The following ROBO1 variants were observed in gnomAD, a reference collection of about 807,000 sequenced individuals.
The protein encoded by ROBO1 is roundabout homolog 1.
ROBO1 carries 149 observed loss-of-function variants against 195.9 expected under a neutral mutation model. That is an observed-to-expected ratio of 0.76 (90% confidence interval 0.67 to 0.87). The LOEUF (loss-of-function observed/expected upper bound fraction) is 0.87, where lower values mean the gene tolerates loss of function less well. ROBO1 is among the 40% of genes least tolerant of loss of function. The probability of loss-of-function intolerance (pLI) is 0.00; values close to 1 mark genes in which losing one functional copy is unlikely to be tolerated. For missense variants in ROBO1, 1,933 were observed against 2,068.3 expected, an observed-to-expected ratio of 0.93 and a Z score of 1.27; for synonymous variants, 816 against 733.2, an observed-to-expected ratio of 1.11 and a Z score of -1.82.
Position 78,598,910 on chromosome 3 carries a change from T to G in ROBO1, c.*3A>C, listed in dbSNP as rs1208828116. On this transcript the variant is annotated 3_prime_UTR_variant, in exon 31 of 31. Transcript: ENST00000464233. ...TTAGATCTCATAAGCCTCTTGGTTG[T>G]CTTCAGCTTTCAGTTTCCTGTAAGA... is the stretch of plus-strand genomic sequence containing the variant. 1 of 1,573,034 alleles carries G rather than the reference T, an allele frequency of 6.4e-7. No homozygotes were observed. The highest frequency in any genetic ancestry group is 2.3e-5 in the East Asian group (1 of 44,426).
intron 2 of ROBO1, among the ~76,000 whole-genome samples, chr3:79,492,285 C>G (rs981050646): frequency 1.3e-5 from 2 of 151,814 alleles, no homozygotes; most frequent in Non-Finnish European, 2.9e-5. Context: ...ATTAGCCAGG[C>G]GTGGTGGCTG....
intron 2 of ROBO1, among the ~76,000 whole-genome samples, chr3:79,352,887 C>T (rs1457283156): frequency 1.3e-5 from 2 of 152,162 alleles, no homozygotes; most frequent in Non-Finnish European, 2.9e-5. Flanking sequence ...TATATATATA[C>T]ACTCATTTAA....
intron 3 of ROBO1, among the ~76,000 whole-genome samples, chr3:79,082,946 C>G (rs1172700057): frequency 6.6e-6 from 1 of 152,176 alleles, no homozygotes; most frequent in African/African-American, 2.4e-5. Flanking sequence ...GATCTGCTAT[C>G]ATGCAGTTGA....
chr3:79,360,722 T>C (rs1306948390), intron 2 of ROBO1, among the ~76,000 whole-genome samples: 1 of 152,048 alleles, frequency 6.6e-6, no homozygotes, highest in Admixed American at 6.6e-5. Context: ...TGAAGCATAA[T>C]GCCATAAGAA....
chr3:79,022,990 T>C (rs534282232), intron 3 of ROBO1, among the ~76,000 whole-genome samples: 404 of 152,318 alleles, frequency 2.7e-3, no homozygotes, highest in African/African-American at 9.3e-3. Context: ...TCCAGGTCTC[T>C]CCAGGGATTG....
chr3:79,016,299 A>G (rs759306548), intron 3 of ROBO1, among the ~76,000 whole-genome samples: 3 of 152,232 alleles, frequency 2.0e-5, no homozygotes, highest in Non-Finnish European at 4.4e-5. Flanking sequence ...AAAAAGCTTC[A>G]GGTTATGTAT....
intron 2 of ROBO1, among the ~76,000 whole-genome samples, chr3:79,242,026 A>G (rs1393044738): frequency 6.6e-6 from 1 of 151,576 alleles, no homozygotes; most frequent in Non-Finnish European, 1.5e-5. Context: ...CTTGGGCATC[A>G]GAATGTGAAA....
intron 1 of ROBO1, among the ~76,000 whole-genome samples, chr3:79,596,502 G>A (rs1397501859): frequency 6.6e-6 from 1 of 151,886 alleles, no homozygotes; most frequent in Non-Finnish European, 1.5e-5. Context: ...GAGGTTACAT[G>A]GAAGGCTTTT....
At chr3:79,465,681 G>T (rs774344703) in intron 2 of ROBO1, among the ~76,000 whole-genome samples, 1 of 151,992 alleles carries the variant, frequency 6.6e-6, no homozygotes, top group Non-Finnish European at 1.5e-5. Context: ...AAAGTAGTTT[G>T]CCCATTGCAA....
chr3:78,610,444 A>T (rs995118152), intron 28 of ROBO1, among the ~76,000 whole-genome samples: 1 of 152,170 alleles, frequency 6.6e-6, no homozygotes, highest in Admixed American at 6.5e-5. Context: ...AGGGGAAAAA[A>T]GTCTAATTCA....
intron 2 of ROBO1, among the ~76,000 whole-genome samples, chr3:79,526,181 G>T (rs183423052): frequency 6.6e-6 from 1 of 152,180 alleles, no homozygotes; most frequent in Admixed American, 6.5e-5. Flanking sequence ...GAATCTTATT[G>T]TTTCCTTAAG....
chr3:79,257,085 G>A (rs1268566725), intron 2 of ROBO1, among the ~76,000 whole-genome samples: 2 of 152,116 alleles, frequency 1.3e-5, no homozygotes, highest in South Asian at 2.1e-4. Flanking sequence ...ATAACTAACG[G>A]TGTCACTTTC....
At chr3:78,684,729 G>C (rs1406247696) in intron 10 of ROBO1, among the ~76,000 whole-genome samples, 1 of 152,096 alleles carries the variant, frequency 6.6e-6, no homozygotes, top group East Asian at 1.9e-4. Context: ...GATAAAGAAA[G>C]ATGAGGAGTC....
At chr3:79,551,336 C>G (rs1211936883) in intron 2 of ROBO1, among the ~76,000 whole-genome samples, 1 of 151,614 alleles carries the variant, frequency 6.6e-6, no homozygotes, top group African/African-American at 2.4e-5. Flanking sequence ...ATCCTTCCCC[C>G]CTCCCCCACC....
chr3:78,902,432 A>G (rs755332960), intron 4 of ROBO1, among the ~76,000 whole-genome samples: 2 of 152,052 alleles, frequency 1.3e-5, no homozygotes, highest in Non-Finnish European at 2.9e-5. Flanking sequence ...TTTATGCTCT[A>G]TGGGCTTTGA....
chr3:78,937,752 C>T (rs1177276442), intron 4 of ROBO1, among the ~76,000 whole-genome samples: 1 of 152,018 alleles, frequency 6.6e-6, no homozygotes, highest in Non-Finnish European at 1.5e-5. Context: ...ATAACATACA[C>T]CTGTTTTCTT....
intron 1 of ROBO1, among the ~76,000 whole-genome samples, chr3:79,638,221 G>A (rs1298661793): frequency 6.6e-6 from 1 of 152,076 alleles, no homozygotes; most frequent in African/African-American, 2.4e-5. Context: ...ATTTAGGACT[G>A]CAAAATATCC....
At chr3:79,637,321 A>G (rs906230247) in intron 1 of ROBO1, among the ~76,000 whole-genome samples, 2 of 151,938 alleles carry the variant, frequency 1.3e-5, no homozygotes, top group Admixed American at 1.3e-4. Flanking sequence ...TGAAACATTT[A>G]TATGACAAAC....
At chr3:78,988,561 T>C (rs915615351) in intron 3 of ROBO1, among the ~76,000 whole-genome samples, 5 of 152,180 alleles carry the variant, frequency 3.3e-5, no homozygotes, top group African/African-American at 7.2e-5. Flanking sequence ...AAGATAATCA[T>C]TGACACATTT....
Sources: gnomAD v4.1 joint callset for allele counts (sites outside exome capture counted in the v4.1 genomes callset) on GRCh38, gnomAD v4.1.1 for gene constraint, MANE v1.5 for transcripts, NCBI Gene and HGNC (gene_info 2026-07-23, HGNC 2026-07-21) for gene names.